GPATCH1: variants seen among roughly 807,000 people sequenced by gnomAD.
The protein encoded by GPATCH1 is G patch domain-containing protein 1.
A neutral mutation model predicts 114.9 loss-of-function variants in GPATCH1; 73 were observed. That is an observed-to-expected ratio of 0.64 (90% CI 0.53 to 0.77). The LOEUF is 0.77. GPATCH1 is among the 30% of genes least tolerant of loss of function. The pLI, the probability that GPATCH1 is intolerant of heterozygous loss-of-function variation, is 0.00. For synonymous variants in GPATCH1, 391 were observed against 428.4 expected (o/e 0.91, Z 1.08); for missense variants, 1,058 against 1,144.3 (o/e 0.92, Z 1.09).
chr19:33,111,671 A>T (rs763278493), intron 11 of GPATCH1, 53 bp from the exon 12 acceptor site: 7 of 1,535,626 alleles, frequency 4.6e-6, no homozygotes, highest in Non-Finnish European at 5.4e-6. Flanking sequence ...TTCTCTTGTA[A>T]GCCCCATGTT....
chr19:33,081,737 G>A (rs551736591), intron 1 of GPATCH1, among the ~76,000 whole-genome samples: 2 of 152,258 alleles, frequency 1.3e-5, no homozygotes, highest in East Asian at 3.9e-4. Context: ...AGATGACAGC[G>A]GGGGAGACAG....
At chr19:33,096,840 G>A (rs1972665872) in intron 7 of GPATCH1, among the ~76,000 whole-genome samples, 1 of 152,082 alleles carries the variant, frequency 6.6e-6, no homozygotes, top group African/African-American at 2.4e-5. Context: ...TGTTGGCCAG[G>A]CTGGTCTCGA....
chr19:33,123,766 T>C (rs1223172026), intron 17 of GPATCH1, among the ~76,000 whole-genome samples: 3 of 151,302 alleles, frequency 2.0e-5, no homozygotes, highest in Middle Eastern at 6.8e-3. Context: ...AATAAAGAAA[T>C]AGGACTACAA....
chr19:33,120,921 C>G (rs938318919), intron 17 of GPATCH1, among the ~76,000 whole-genome samples: 1 of 151,006 alleles, frequency 6.6e-6, no homozygotes, highest in South Asian at 2.1e-4. Context: ...ACCTGGGAGG[C>G]GGAGCTTGCA....
In GPATCH1 at chr19:33,093,422, A is replaced by G. The variant is rs1421749213; in HGVS notation, c.358A>G (p.Thr120Ala). The G allele has an allele frequency of 6.2e-7, 1 of 1,613,998 alleles. No homozygotes were observed. The highest frequency in any genetic ancestry group is 1.1e-5 in the South Asian group (1 of 91,084). ...IVTTDDFASK[T>A]KDRIREKARQ... The stretch of plus-strand genomic sequence containing the variant: ...CACCACAGACGATTTTGCCTCCAAA[A>G]CCAAAGACAGAATACGAGAAAAGGC... Residue 120 changes from threonine to alanine, a missense_variant, in exon 4 of 20, where the codon ACC becomes GCC. Thr to Ala is a moderately conservative substitution (Grantham distance 58). Around this residue, in one of 3 missense-constraint regions of GPATCH1, gnomAD observed 34 missense variants for 59.6 expected, o/e 0.57. Coordinates refer to ENST00000170564, the MANE Select transcript of GPATCH1 (RefSeq NM_018025.3).
chr19:33,083,839 C>T lies in GPATCH1; in HGVS notation c.73+2573C>T, dbSNP rs574252991. 8.6e-5 allele frequency among the ~76,000 whole-genome samples: 13 copies of T among 151,946 alleles called. 2 individuals carry two copies. The South Asian group carries it at 1.5e-3, about 17-fold the overall frequency. On this transcript the variant is annotated intron_variant, in intron 1 of 19. Coordinates refer to ENST00000170564, the MANE Select transcript of GPATCH1 (RefSeq NM_018025.3). ...TCTAAGCACTTTTTTTTGAGAGTTT[C>T]GCTCTTGTCACCCAGGCTGGCATGC...
intron 19 of GPATCH1, among the ~76,000 whole-genome samples, chr19:33,127,384 C>T (rs1334888379): frequency 1.3e-5 from 2 of 151,686 alleles, no homozygotes; most frequent in African/African-American, 2.4e-5. Flanking sequence ...GGGCGTGGAG[C>T]GTGTGCCTGT....
intron 19 of GPATCH1, among the ~76,000 whole-genome samples, chr19:33,127,511 T>C (rs1973055617): frequency 7.0e-6 from 1 of 142,550 alleles, no homozygotes; most frequent in African/African-American, 2.7e-5. Flanking sequence ...GCGAGACTCT[T>C]GTCTCAATAA....
chr19:33,124,974 CAGG>C (rs1242947586), intron 17 of GPATCH1, 128 bp from the exon 18 acceptor site: 7 of 855,188 alleles, frequency 8.2e-6, no homozygotes, highest in African/African-American at 6.8e-5. Flanking sequence ...AATCCAAGGG[CAGG>C]AGTTCTTCCT....
Position 33,119,088 on chromosome 19 carries a change from GC to G in GPATCH1, c.2495del (p.Pro832ArgfsTer89). 1 of 1,611,290 alleles carries G rather than the reference GC, an allele frequency of 6.2e-7. No individual in the cohort carries two copies. On this transcript the variant is annotated frameshift_variant, in exon 17 of 20. Transcript: ENST00000170564. LOFTEE classifies it high-confidence loss of function. ...KMQIDEREEF[G>X]PRLPPVFCPN... ...CAGATAGATGAAAGAGAAGAGTTCG[GC>G]CCGCGGCTGCCTCCCGTCTTCTGCC...
intron 17 of GPATCH1, among the ~76,000 whole-genome samples, chr19:33,120,106 T>C (rs1972962718): frequency 7.1e-6 from 1 of 139,922 alleles, no homozygotes; most frequent in Non-Finnish European, 1.5e-5. Flanking sequence ...TAAATATATT[T>C]TAACTTAATT....
At chr19:33,085,813 G>T (rs1323179847) in intron 1 of GPATCH1, among the ~76,000 whole-genome samples, 2 of 152,184 alleles carry the variant, frequency 1.3e-5, no homozygotes, top group South Asian at 4.1e-4. Context: ...GAGTTGTTCC[G>T]TCACTGGTTA....
chr19:33,096,932 TTTTCTTTC>T (rs990120709), intron 7 of GPATCH1, among the ~76,000 whole-genome samples: 1 of 140,130 alleles, frequency 7.1e-6, no homozygotes, highest in East Asian at 2.2e-4. Context: ...CCTGGCCACC[TTTTCTTTC>T]TTTCTTTCTT....
In GPATCH1 at chr19:33,122,623, G is replaced by A. The variant is rs549122905; in HGVS notation, c.2522-2482G>A. Among the ~76,000 whole-genome samples, 27 of 152,068 alleles carry A rather than the reference G, an allele frequency of 1.8e-4. 1 individual carries two copies. In the East Asian group the frequency reaches 3.7e-3, roughly 21 times the overall value. On this transcript the variant is annotated intron_variant, in intron 17 of 19. Transcript: ENST00000170564. ...CAGGCGTGAGCCACCACGCCCGGCC[G>A]GCTCTTTAGTTTCAAACTGGTATCA... is the stretch of plus-strand genomic sequence containing the variant.
intron 8 of GPATCH1, among the ~76,000 whole-genome samples, chr19:33,099,321 A>C (rs951170246): frequency 2.0e-5 from 3 of 151,732 alleles, no homozygotes; most frequent in Non-Finnish European, 4.4e-5. Context: ...TCAATCCTTT[A>C]ATAATTAATG....
intron 9 of GPATCH1, among the ~76,000 whole-genome samples, chr19:33,102,435 C>T (rs1363371120): frequency 6.1e-5 from 8 of 130,376 alleles, no homozygotes; most frequent in Admixed American, 1.7e-4. Flanking sequence ...CTTGTTCTGT[C>T]ACCCAGGCTG....
chr19:33,122,065 C>G (rs1376216495), intron 17 of GPATCH1, among the ~76,000 whole-genome samples: 1 of 152,204 alleles, frequency 6.6e-6, no homozygotes, highest in Non-Finnish European at 1.5e-5. Context: ...GTCACCCAGT[C>G]TGGAGTGCAG....
chr19:33,118,045 T>A lies in GPATCH1; in HGVS notation c.2413+4T>A. ...GAAACATCATCTGTGGCTCACGGTA[T>A]GTCAGTATTTCAGACTCGGGGATCT... is the stretch of plus-strand genomic sequence containing the variant. On this transcript the variant is annotated splice_donor_region_variant and intron_variant, in intron 16 of 19. Coordinates refer to ENST00000170564, the MANE Select transcript of GPATCH1 (RefSeq NM_018025.3). 1 of 1,603,358 alleles carries A rather than the reference T, an allele frequency of 6.2e-7. No individual in the cohort carries two copies. The highest frequency in any genetic ancestry group is 8.5e-7 in the Non-Finnish European group (1 of 1,170,294).
In GPATCH1 at chr19:33,113,057, G is replaced by T. The variant is rs546675654; in HGVS notation, c.1892+444G>T. The T allele has an allele frequency of 1.1e-4, 17 of 157,734 alleles. No individual in the cohort carries two copies. In the South Asian group the frequency reaches 3.2e-3, roughly 29 times the overall value. 9.8% of individuals were successfully genotyped at this position (157,734 alleles called of 1,614,324 possible). A position where few individuals can be genotyped will look rare whatever the true frequency, so the allele number is the denominator to read the frequency against. The stretch of plus-strand genomic sequence containing the variant: ...CTTGGGAGGCCAAGGCAGGAGGATC[G>T]CTTGAGCCCAGGAGTTCGAGGCCAG... On this transcript the variant is annotated intron_variant, in intron 13 of 19. Transcript: ENST00000170564.
Sources: gnomAD v4.1 joint callset for allele counts (sites outside exome capture counted in the v4.1 genomes callset) on GRCh38, gnomAD v4.1.1 for gene constraint, gnomAD v4.1.1 regional missense constraint, MANE v1.5 for transcripts, NCBI Gene and HGNC (gene_info 2026-07-23, HGNC 2026-07-21) for gene names.